The following PSMG2 variants were observed in gnomAD, a reference collection of about 807,000 sequenced individuals.
PSMG2 encodes the protein proteasome assembly chaperone 2.
Under a neutral mutation model 31.5 loss-of-function variants are expected in PSMG2, and 21 were observed. The ratio of observed to expected loss-of-function variants is 0.67; its 90% CI spans 0.47 to 0.96. The LOEUF is 0.96. Among genes scored for constraint, PSMG2 ranks in the 40% least tolerant of loss-of-function variants. The probability of loss-of-function intolerance (pLI) is 0.00; values close to 1 mark genes in which losing one functional copy is unlikely to be tolerated. For synonymous variants in PSMG2, 120 were observed against 110.4 expected, an observed-to-expected ratio of 1.09 and a Z score of -0.54; for missense variants, 318 against 321.2, an observed-to-expected ratio of 0.99 and a Z score of 0.08.
upstream of PSMG2, chr18:12,702,944 C>G: frequency 1.3e-6 from 1 of 767,062 alleles, no homozygotes; most frequent in Non-Finnish European, 2.0e-6. Context: ...TTTCCGCCCT[C>G]TGAACCGGCA....
chr18:12,679,896 C>G (rs1568015025), intron 1 of PSMG2, among the ~76,000 whole-genome samples: 2 of 151,704 alleles, frequency 1.3e-5, no homozygotes, highest in Non-Finnish European at 2.9e-5. Context: ...AAGCTCATCC[C>G]TACAAAAAAA....
intron 1 of PSMG2, among the ~76,000 whole-genome samples, chr18:12,663,760 T>G (rs1448237372): frequency 6.6e-6 from 1 of 152,140 alleles, no homozygotes; most frequent in Non-Finnish European, 1.5e-5. Context: ...TAATTTTTCC[T>G]GATTGATTGT....
chr18:12,663,120 T>C (rs546461059), intron 1 of PSMG2, among the ~76,000 whole-genome samples: 1 of 152,338 alleles, frequency 6.6e-6, no homozygotes, highest in South Asian at 2.1e-4. Context: ...AAATTACTGC[T>C]AGTTGGCCTG....
chr18:12,709,841 G>A (rs1296428746), intron 2 of PSMG2, among the ~76,000 whole-genome samples: 2 of 151,038 alleles, frequency 1.3e-5, no homozygotes, highest in African/African-American at 4.9e-5. Flanking sequence ...TCACCATGTT[G>A]GCCAGGTGGG....
chr18:12,704,301 C>G (rs2145130292), intron 1 of PSMG2, among the ~76,000 whole-genome samples: 1 of 152,146 alleles, frequency 6.6e-6, no homozygotes, highest in Admixed American at 6.5e-5. Flanking sequence ...GTCATTAATT[C>G]AGAGACAGGC....
At chr18:12,709,628 A>G (rs910954184) in intron 2 of PSMG2, among the ~76,000 whole-genome samples, 1 of 151,598 alleles carries the variant, frequency 6.6e-6, no homozygotes, top group African/African-American at 2.4e-5. Context: ...CCTCTGGAGT[A>G]GTTGGGATTA....
intron 1 of PSMG2, chr18:12,670,450 TAC>T (rs1379590156): frequency 6.6e-6 from 1 of 152,190 alleles, no homozygotes; most frequent in East Asian, 1.9e-4. Context: ...GCATATTTAT[TAC>T]AGAGTTTACA....
chr18:12,671,450 A>C (rs1299895686), intron 1 of PSMG2, among the ~76,000 whole-genome samples: 1 of 152,082 alleles, frequency 6.6e-6, no homozygotes, highest in Non-Finnish European at 1.5e-5. Context: ...AAAAAATAAA[A>C]AACTTAAAAA....
chr18:12,686,519 A>G (rs2039545582), intron 1 of PSMG2: 11 of 1,129,854 alleles, frequency 9.7e-6, no homozygotes, highest in African/African-American at 1.6e-5. Flanking sequence ...TTTCAAATAC[A>G]TTAATGTAGG....
upstream of PSMG2, among the ~76,000 whole-genome samples, chr18:12,698,150 TTTTTA>T (rs139947614): frequency 9.3e-3 from 1,388 of 150,018 alleles, 6 homozygotes; most frequent in Non-Finnish European, 0.014. Context: ...TAAATTTGAC[TTTTTA>T]TTTTATTTAT....
At chr18:12,694,906 G>A (rs1051582220) in intron 1 of PSMG2, among the ~76,000 whole-genome samples, 4 of 151,118 alleles carry the variant, frequency 2.6e-5, no homozygotes, top group African/African-American at 4.9e-5. Flanking sequence ...TAGTAGAGGC[G>A]GGGTTTCACC....
intron 2 of PSMG2, among the ~76,000 whole-genome samples, chr18:12,707,126 T>G (rs186794215): frequency 0.021 from 3,121 of 152,190 alleles, 118 homozygotes; most frequent in African/African-American, 0.071. Flanking sequence ...TGGCTAATTT[T>G]TTGTATTTTT....
intron 1 of PSMG2, among the ~76,000 whole-genome samples, chr18:12,664,096 C>T (rs1277515802): frequency 1.3e-5 from 2 of 151,702 alleles, no homozygotes; most frequent in Non-Finnish European, 2.9e-5. Flanking sequence ...CCCGGAGGGG[C>T]GGTGGTTGCG....
At chr18:12,701,148 C>G (rs778748412), upstream of PSMG2, 11 of 1,554,222 alleles carry the variant, frequency 7.1e-6, no homozygotes, top group Non-Finnish European at 9.7e-6. Flanking sequence ...TTTATAACAT[C>G]ACAAAGCAGT....
At chr18:12,699,269 T>G, upstream of PSMG2, 1 of 1,158,702 alleles carries the variant, frequency 8.6e-7, no homozygotes, top group Non-Finnish European at 1.2e-6. Flanking sequence ...ATCAAGACAT[T>G]AGGAAATAAA....
intron 3 of PSMG2, among the ~76,000 whole-genome samples, chr18:12,716,635 C>T (rs1332957155): frequency 6.6e-6 from 1 of 152,036 alleles, no homozygotes; most frequent in Non-Finnish European, 1.5e-5. Flanking sequence ...ACCTTGTGAT[C>T]TGCCCGCCTC....
At chr18:12,707,582 T>C (rs192750682) in intron 2 of PSMG2, among the ~76,000 whole-genome samples, 20 of 152,328 alleles carry the variant, frequency 1.3e-4, no homozygotes, top group East Asian at 5.8e-4. Context: ...TAATTCCTCA[T>C]TGGACTATCA....
At chr18:12,705,843 A>G (rs1051657899) in intron 1 of PSMG2, among the ~76,000 whole-genome samples, 6 of 152,074 alleles carry the variant, frequency 3.9e-5, no homozygotes, top group Non-Finnish European at 5.9e-5. Context: ...TAAAATTGCA[A>G]TCAACCATGT....
chr18:12,702,985 C>A (rs1298162289), upstream of PSMG2: 7 of 1,130,862 alleles, frequency 6.2e-6, no homozygotes, highest in Non-Finnish European at 8.6e-6. Flanking sequence ...GGGCCCGGCG[C>A]CCAGGGACTC....
Sources: gnomAD v4.1 joint callset for allele counts (sites outside exome capture counted in the v4.1 genomes callset) on GRCh38, gnomAD v4.1.1 for gene constraint, MANE v1.5 for transcripts, NCBI Gene and HGNC (gene_info 2026-07-23, HGNC 2026-07-21) for gene names.